The following PREX2 variants were observed in gnomAD, a reference collection of about 807,000 sequenced individuals.
PREX2 encodes the protein phosphatidylinositol 3,4,5-trisphosphate-dependent Rac exchanger 2 protein.
A neutral mutation model predicts 203.2 loss-of-function variants in PREX2; 107 were observed. That is an observed-to-expected ratio of 0.53 (90% CI 0.45 to 0.62). PREX2 has a LOEUF of 0.62. Among genes scored for constraint, PREX2 ranks in the 20% least tolerant of loss-of-function variants. The probability of loss-of-function intolerance (pLI) is 0.00; values close to 1 mark genes in which losing one functional copy is unlikely to be tolerated. For missense variants in PREX2, 1,777 were observed against 1,955.9 expected, an observed-to-expected ratio of 0.91 and a Z score of 1.72; for synonymous variants, 672 against 663.6, an observed-to-expected ratio of 1.01 and a Z score of -0.19.
rs183882933 is a variant in PREX2 at position 68,134,199 on chromosome 8, G to A, written c.3907G>A (p.Ala1303Thr). 291 of 1,614,126 alleles carry A rather than the reference G, an allele frequency of 1.8e-4. No individual in the cohort carries two copies. The highest frequency in any genetic ancestry group is 2.3e-4 in the Non-Finnish European group (266 of 1,179,998). The stretch of plus-strand genomic sequence containing the variant: ...GGAAAATGAGATGGAAACTTGGGAA[G>A]CCAGCAGGAGGTGGCTGGACCAGAT... ...SKENEMETWEASRRWLDQIAN... is the reference protein window; with the variant it reads ...SKENEMETWETSRRWLDQIAN... The change falls in exon 32 of 40, where the codon GCC becomes ACC. Residue 1303 changes from alanine to threonine, a missense_variant. Ala to Thr is a moderately conservative substitution (Grantham distance 58, BLOSUM62 0). Coordinates refer to ENST00000288368, the MANE Select transcript of PREX2 (RefSeq NM_024870.4).
intron 35 of PREX2, 142 bp downstream of exon 35, chr8:68,157,578 T>C: frequency 2.2e-6 from 1 of 464,096 alleles, no homozygotes; most frequent in East Asian, 3.3e-5. Context: ...GGGTTTAATA[T>C]TTTAAATATT....
chr8:68,020,525 A>G (rs903108751), intron 3 of PREX2, among the ~76,000 whole-genome samples: 1 of 152,154 alleles, frequency 6.6e-6, no homozygotes, highest in Admixed American at 6.6e-5. Context: ...GTCTTTTAGA[A>G]AGGTTTTGAT....
At chr8:68,209,186 A>G (rs960308713) in intron 37 of PREX2, among the ~76,000 whole-genome samples, 7 of 151,980 alleles carry the variant, frequency 4.6e-5, no homozygotes, top group African/African-American at 1.7e-4. Context: ...AGCTTATTGC[A>G]TTTACTTAGT....
chr8:68,002,152 TTTC>T (rs1414980363), intron 1 of PREX2, among the ~76,000 whole-genome samples: 46 of 78,026 alleles, frequency 5.9e-4, no homozygotes, highest in East Asian at 2.1e-3. Context: ...TCTTTCTTTC[TTTC>T]TTTTTTTTTT....
intron 35 of PREX2, among the ~76,000 whole-genome samples, chr8:68,173,935 G>C (rs965297783): frequency 6.6e-6 from 1 of 152,194 alleles, no homozygotes; most frequent in Non-Finnish European, 1.5e-5. Flanking sequence ...CAAAAAGATA[G>C]TTAGGGAAAT....
chr8:68,068,913 T>G, intron 11 of PREX2, 120 bp from the exon 12 acceptor site: 1 of 452,142 alleles, frequency 2.2e-6, no homozygotes, highest in Non-Finnish European at 3.8e-6. Flanking sequence ...GAAAAGCAAA[T>G]GCCTTTTGTA....
At chr8:68,091,251 T>G (rs1024450789) in intron 20 of PREX2, among the ~76,000 whole-genome samples, 1 of 152,126 alleles carries the variant, frequency 6.6e-6, no homozygotes, top group African/African-American at 2.4e-5. Context: ...TAAAAGAAAA[T>G]ACCAAAATGT....
rs763504453 is a variant in PREX2, at chr8:68,217,664, C to T, written c.4653C>T (p.Ser1551=). 6.2e-7 allele frequency: 1 copy of T among 1,614,150 alleles called. No homozygotes were observed. Among genetic ancestry groups the T allele is most frequent in the South Asian group, 1.1e-5 (1 of 91,080 alleles). The change falls in exon 38 of 40, where the codon AGC becomes AGT. Residue 1551 remains serine (S), a synonymous_variant. Transcript: ENST00000288368. ...TLEQAIILAR[S]HGLPPRYIMQ... is the part of the protein sequence containing the mutation. ...AGCAAGCCATCATTCTGGCCAGAAGCCACGGACTGCCACCTCGTTACATCA... is the reference window on the plus strand; with the variant it reads ...AGCAAGCCATCATTCTGGCCAGAAGTCACGGACTGCCACCTCGTTACATCA...
intron 31 of PREX2, among the ~76,000 whole-genome samples, chr8:68,132,276 T>G (rs927394321): frequency 6.6e-6 from 1 of 152,006 alleles, no homozygotes; most frequent in Admixed American, 6.6e-5. Flanking sequence ...GTTTTTTTTC[T>G]TGAGGATTGG....
rs1809483677 is a variant in PREX2 at position 68,080,489 on chromosome 8, T to G, written c.1689T>G (p.Phe563Leu). 1.2e-6 allele frequency: 2 copies of G among 1,613,340 alleles called. No homozygotes were observed. The highest frequency in any genetic ancestry group is 1.7e-6 in the Non-Finnish European group (2 of 1,179,706). Residue 563 changes from phenylalanine (F) to leucine (L), a missense_variant, in exon 16 of 40, where the codon TTT (phenylalanine) becomes TTG (leucine). Physicochemically the swap from Phe to Leu is conservative, Grantham distance 22 (BLOSUM62 0). Transcript: ENST00000288368. The part of the protein sequence containing the change: ...EFKDEPLLFR[F>L]FSDEEMEGSN... ...AAGATGAACCCCTACTTTTCCGTTT[T>G]TTTTCGGATGAGGAAATGGAGGGAT...
chr8:68,180,923 G>A (rs991924638), intron 35 of PREX2, among the ~76,000 whole-genome samples: 2 of 152,120 alleles, frequency 1.3e-5, no homozygotes, highest in Non-Finnish European at 2.9e-5. Flanking sequence ...AGAAGGGGCA[G>A]GGAGTGAATG....
chr8:68,166,153 G>A (rs953769028), intron 35 of PREX2, among the ~76,000 whole-genome samples: 4 of 152,132 alleles, frequency 2.6e-5, no homozygotes, highest in Non-Finnish European at 4.4e-5. Context: ...GCCCTCATTC[G>A]TAAAGGAAAG....
intron 1 of PREX2, among the ~76,000 whole-genome samples, chr8:67,975,694 C>CTTT (rs67614434): frequency 0.015 from 1,090 of 74,964 alleles, 299 homozygotes; most frequent in African/African-American, 0.033. Context: ...ATTTCTCTTT[C>CTTT]TTTTTTTTTT....
intron 33 of PREX2, among the ~76,000 whole-genome samples, chr8:68,143,863 G>A (rs1465827613): frequency 6.6e-6 from 1 of 152,090 alleles, no homozygotes; most frequent in Non-Finnish European, 1.5e-5. Flanking sequence ...GTTAATTTTT[G>A]TGGAGGATAT....
At chr8:68,095,146 C>G (rs1222844490) in intron 21 of PREX2, 1 of 152,366 alleles carries the variant, frequency 6.6e-6, no homozygotes. Context: ...TGTTCACTCA[C>G]TCAGAAGCTC....
intron 35 of PREX2, among the ~76,000 whole-genome samples, chr8:68,175,392 G>GA (rs748783270): frequency 6.6e-4 from 100 of 152,272 alleles, no homozygotes; most frequent in Non-Finnish European, 1.3e-3. Context: ...TCTAAGTGGG[G>GA]CAGGCCGGGG....
At chr8:68,120,523 C>A (rs898610871) in intron 29 of PREX2, among the ~76,000 whole-genome samples, 1 of 152,080 alleles carries the variant, frequency 6.6e-6, no homozygotes, top group Non-Finnish European at 1.5e-5. Context: ...AGGGGCCAGG[C>A]TGAGCAAAAA....
intron 31 of PREX2, among the ~76,000 whole-genome samples, chr8:68,130,496 A>G (rs1324541504): frequency 6.6e-6 from 1 of 152,202 alleles, no homozygotes; most frequent in African/African-American, 2.4e-5. Context: ...ACTCAGTGCC[A>G]GACACGGTGC....
At chr8:68,198,219 T>G (rs546432555) in intron 37 of PREX2, among the ~76,000 whole-genome samples, 109 of 152,346 alleles carry the variant, frequency 7.2e-4, no homozygotes, top group Non-Finnish European at 1.5e-3. Context: ...TTTACTAGGT[T>G]TACAATTATA....
Sources: allele counts gnomAD v4.1 joint callset (sites outside exome capture counted in the v4.1 genomes callset), GRCh38; gene constraint gnomAD v4.1.1; transcripts MANE v1.5; gene names NCBI Gene and HGNC (gene_info 2026-07-23, HGNC 2026-07-21).